DOC2B: variants seen among roughly 807,000 people sequenced by gnomAD.
DOC2B encodes the protein double C2-like domain-containing protein beta.
Under a neutral mutation model 28.9 loss-of-function variants are expected in DOC2B, and 21 were observed. That is an observed-to-expected ratio of 0.73 (90% CI 0.52 to 1.05). DOC2B has a LOEUF of 1.05. DOC2B is among the 50% of genes least tolerant of loss of function. The probability of loss-of-function intolerance (pLI) is 0.00; values close to 1 mark genes in which losing one functional copy is unlikely to be tolerated. For synonymous variants in DOC2B, 194 were observed against 178.1 expected, an observed-to-expected ratio of 1.09 and a Z score of -0.71; for missense variants, 384 against 421.1, an observed-to-expected ratio of 0.91 and a Z score of 0.77.
intron 2 of DOC2B, among the ~76,000 whole-genome samples, chr17:169,254 A>G (rs1226432163): frequency 6.6e-6 from 1 of 152,062 alleles, no homozygotes; most frequent in Non-Finnish European, 1.5e-5. Context: ...CTGCAGACTC[A>G]AAAGGACAGA....
chr17:161,345 A>C lies in DOC2B; in HGVS notation c.765+70T>G, dbSNP rs1336421778. 3.4e-6 allele frequency: 5 copies of C among 1,474,966 alleles called. No homozygotes were observed. In the Admixed American group the frequency reaches 9.8e-5, roughly 29 times the overall value. The allele number at this position is 1,474,966 out of a possible 1,614,324, so 91.4% of individuals were successfully genotyped here. A position where few individuals can be genotyped will look rare whatever the true frequency, so the allele number is the denominator to read the frequency against. On this transcript the variant is annotated intron_variant, in intron 5 of 8. Transcript: ENST00000613549. Reference sequence around the variant, plus strand: ...GCCCCTCATGAGTCCCATCACAGGCAGGAAGTTCTGCCTTCCCAGCACCTG... The same window carrying C: ...GCCCCTCATGAGTCCCATCACAGGCCGGAAGTTCTGCCTTCCCAGCACCTG...
chr17:149,064 G>C, intron 7 of DOC2B, 47 bp downstream of exon 7: 2 of 398,822 alleles, frequency 5.0e-6, no homozygotes, highest in Non-Finnish European at 4.4e-6. Context: ...CCCCACTGCT[G>C]TGGGGCAGAG....
At chr17:169,653 C>T (rs1364254560) in intron 2 of DOC2B, among the ~76,000 whole-genome samples, 1 of 152,122 alleles carries the variant, frequency 6.6e-6, no homozygotes, top group Non-Finnish European at 1.5e-5. Context: ...ACAACCAACC[C>T]TATTTACAGA....
intron 1 of DOC2B, among the ~76,000 whole-genome samples, chr17:178,236 C>T (rs149566538): frequency 4.5e-4 from 69 of 152,316 alleles, no homozygotes; most frequent in Non-Finnish European, 9.0e-4. Context: ...AGGAAACGGG[C>T]CTTGATTTTG....
chr17:164,455 T>C (rs2040239779), intron 2 of DOC2B, among the ~76,000 whole-genome samples: 1 of 152,070 alleles, frequency 6.6e-6, no homozygotes, highest in Non-Finnish European at 1.5e-5. Context: ...CTTTCTCTTG[T>C]CCTCATCCTG....
At chr17:158,746 CA>C (rs2040164599) in intron 5 of DOC2B, among the ~76,000 whole-genome samples, 1 of 152,138 alleles carries the variant, frequency 6.6e-6, no homozygotes, top group Admixed American at 6.6e-5. Flanking sequence ...GAAAATTAAA[CA>C]ATATAAACTA....
chr17:148,655 C>G (rs1001395218), intron 7 of DOC2B, among the ~76,000 whole-genome samples: 6 of 152,162 alleles, frequency 3.9e-5, no homozygotes, highest in African/African-American at 1.2e-4. Context: ...GCATCTTGAC[C>G]TCCCCTGCCT....
intron 7 of DOC2B, 147 bp downstream of exon 7, chr17:148,964 C>G (rs1415624839): frequency 2.5e-6 from 1 of 394,786 alleles, no homozygotes; most frequent in African/African-American, 2.1e-5. Flanking sequence ...TCCCCCAGCT[C>G]CCCTGTGTCT....
At chr17:152,488 C>T (rs1347789242) in intron 6 of DOC2B, among the ~76,000 whole-genome samples, 1 of 152,172 alleles carries the variant, frequency 6.6e-6, no homozygotes, top group Non-Finnish European at 1.5e-5. Context: ...ATGGTGCTAG[C>T]TGGGCATGGT....
chr17:143,737 AAATATT>A lies in DOC2B; in HGVS notation c.*3698_*3703del, dbSNP rs2039999356. ...TTTACTTTGGATTATATGTCATTAT[AAATATT>A]AACAAATAAGACTTAAAAAGGACAC... On this transcript the variant is annotated 3_prime_UTR_variant, in exon 9 of 9. Coordinates refer to ENST00000613549, the MANE Select transcript of DOC2B (RefSeq NM_003585.5). The A allele has an allele frequency of 6.6e-6, 1 of 152,232 alleles. No homozygotes were observed. Among genetic ancestry groups the A allele is most frequent in the Non-Finnish European group, 1.5e-5 (1 of 68,048 alleles). 9.4% of individuals were successfully genotyped at this position (152,232 alleles called of 1,614,324 possible).
intron 1 of DOC2B, among the ~76,000 whole-genome samples, chr17:175,871 G>A (rs1427172635): frequency 6.6e-6 from 1 of 152,216 alleles, no homozygotes; most frequent in Non-Finnish European, 1.5e-5. Context: ...CTGCCTGGGG[G>A]GAAAACTGAC....
chr17:164,001 G>A lies in DOC2B; in HGVS notation c.528+129C>T. On this transcript the variant is annotated intron_variant, in intron 3 of 8. Coordinates refer to ENST00000613549, the MANE Select transcript of DOC2B (RefSeq NM_003585.5). ...CATCAGCTTGCTTGGACTCTGAGGG[G>A]AGTGGCAGCTGTGGGCCTCCCTGGG... 5.9e-6 allele frequency: 4 copies of A among 677,926 alleles called. No homozygotes were observed. In the South Asian group the frequency reaches 7.1e-5, roughly 12 times the overall value. 42.0% of individuals were successfully genotyped at this position (677,926 alleles called of 1,614,324 possible). A position where few individuals can be genotyped will look rare whatever the true frequency, so the allele number is the denominator to read the frequency against.
chr17:181,218 C>G lies in DOC2B; in HGVS notation c.262G>C (p.Gly88Arg). The G allele has an allele frequency of 1.6e-6, 2 of 1,222,996 alleles. No homozygotes were observed. Among genetic ancestry groups the G allele is most frequent in the Non-Finnish European group, 2.0e-6 (2 of 982,104 alleles). 75.8% of individuals were successfully genotyped at this position (1,222,996 alleles called of 1,614,324 possible). ...GGGCCCGGGCTGGAGCCGTAGGCTC[C>G]GAAGAGCTGGTCCACATCCTCGTCG... ...EDDEDVDQLF[G>R]AYGSSPGPSP... Residue 88 changes from glycine (G) to arginine (R), a missense_variant, in exon 1 of 9, where the codon GGA becomes CGA. Coordinates refer to ENST00000613549, the MANE Select transcript of DOC2B (RefSeq NM_003585.5). This position sits in a 1 kb window ranked among gnomAD's most constrained non-coding sequence, Gnocchi z 7.0.
intron 6 of DOC2B, chr17:155,870 C>A (rs1555522382): frequency 4.3e-5 from 13 of 298,988 alleles, no homozygotes; most frequent in Non-Finnish European, 8.0e-5. Context: ...CTCCCCCAGC[C>A]TCCTGGCTAC....
Position 181,283 on chromosome 17 carries a change from C to A in DOC2B, c.197G>T (p.Gly66Val). The A allele has an allele frequency of 4.2e-6, 5 of 1,197,336 alleles. No individual in the cohort carries two copies. The highest frequency in any genetic ancestry group is 5.2e-6 in the Non-Finnish European group (5 of 966,348). 74.2% of individuals were successfully genotyped at this position (1,197,336 alleles called of 1,614,324 possible). The change falls in exon 1 of 9, where the codon GGT becomes GTT. Residue 66 changes from glycine to valine, a missense_variant. By Grantham distance (109) the Gly-to-Val change is moderately radical (BLOSUM62 -3). Transcript: ENST00000613549. The surrounding 1 kb of genome is among the most constrained non-coding windows in gnomAD (Gnocchi z 7.0). The part of the protein sequence containing the change: ...PDAPARPAVA[G>V]AGRRSPSDGA... The stretch of plus-strand genomic sequence containing the variant: ...GTCGGAGGGGCTGCGGCGGCCGGCA[C>A]CGGCCACAGCCGGGCGCGCGGGGGC...
At chr17:163,062 C>T (rs1555523451) in intron 3 of DOC2B, among the ~76,000 whole-genome samples, 1 of 152,182 alleles carries the variant, frequency 6.6e-6, no homozygotes, top group African/African-American at 2.4e-5. Flanking sequence ...GGAAAGGGCA[C>T]AGGAATCCCT....
chr17:147,397 T>C lies in DOC2B; in HGVS notation c.*44A>G, dbSNP rs1339157386. 2.5e-6 allele frequency: 1 copy of C among 398,724 alleles called. No individual in the cohort carries two copies. Among genetic ancestry groups the C allele is most frequent in the African/African-American group, 2.1e-5 (1 of 48,720 alleles). 24.7% of individuals were successfully genotyped at this position (398,724 alleles called of 1,614,324 possible). On this transcript the variant is annotated 3_prime_UTR_variant, in exon 9 of 9. Transcript: ENST00000613549. ...TGCTGGGGAAGCCCGGGGCCGGCCG[T>C]GCTGGGCGCAGGTGGCGGCAGGGGT...
chr17:172,530 G>A lies in DOC2B; in HGVS notation c.453+7C>T. ...AGGGAATTTGGGGGCAGGCTGGCGG[G>A]GCCTACCTTGGCCTTGGTGATGGTG... On this transcript the variant is annotated splice_region_variant and intron_variant, in intron 2 of 8. Coordinates refer to ENST00000613549, the MANE Select transcript of DOC2B (RefSeq NM_003585.5). 6.5e-7 allele frequency: 1 copy of A among 1,550,222 alleles called. No homozygotes were observed. Among genetic ancestry groups the A allele is most frequent in the Non-Finnish European group, 8.7e-7 (1 of 1,146,054 alleles).
At chr17:170,837 C>T (rs1446736324) in intron 2 of DOC2B, among the ~76,000 whole-genome samples, 34 of 100,696 alleles carry the variant, frequency 3.4e-4, no homozygotes, top group African/African-American at 1.2e-3. Context: ...CCGGGCCAGG[C>T]TGCAGAGGGC....
Sources: gnomAD v4.1 joint callset for allele counts (sites outside exome capture counted in the v4.1 genomes callset) on GRCh38, gnomAD v4.1.1 for gene constraint, Gnocchi (gnomAD v3.1) non-coding constraint, MANE v1.5 for transcripts, NCBI Gene and HGNC (gene_info 2026-07-23, HGNC 2026-07-21) for gene names.